Variants in HMGCLL1 observed in about 807,000 individuals in gnomAD.
HMGCLL1 encodes 3-hydroxymethyl-3-methylglutaryl-CoA lyase, cytoplasmic.
HMGCLL1 carries 36 observed loss-of-function variants against 39.1 expected under a neutral mutation model. The observed-to-expected ratio is 0.92, with a 90% confidence interval of 0.71 to 1.22. The LOEUF (loss-of-function observed/expected upper bound fraction) is 1.22, where lower values mean the gene tolerates loss of function less well. HMGCLL1 is among the 50% of genes most tolerant of loss of function. HMGCLL1 has a pLI of 0.00. For synonymous variants in HMGCLL1, 149 were observed against 144.0 expected (o/e 1.03, Z -0.25); for missense variants, 451 against 416.5 (o/e 1.08, Z -0.72).
At chr6:55,487,109 C>A (rs922024555) in intron 7 of HMGCLL1, among the ~76,000 whole-genome samples, 1 of 152,088 alleles carries the variant, frequency 6.6e-6, no homozygotes, top group South Asian at 2.1e-4. Context: ...AGATTCAGAC[C>A]ATAGCACCCC....
chr6:55,676,228 G>A, the HMGCLL1 span, among the ~76,000 whole-genome samples: 1 of 152,132 alleles, frequency 6.6e-6, no homozygotes, highest in African/African-American at 2.4e-5. Flanking sequence ...TATGCTTAAT[G>A]TACAAATATA....
chr6:55,538,273 T>C (rs912096859), intron 3 of HMGCLL1, among the ~76,000 whole-genome samples: 1 of 152,192 alleles, frequency 6.6e-6, no homozygotes, highest in Non-Finnish European at 1.5e-5. Context: ...GTACCTGAAA[T>C]ATAACTTTAG....
At chr6:55,655,536 G>GTAGATAGACAGATAGA in the HMGCLL1 span, among the ~76,000 whole-genome samples, 1 of 147,620 alleles carries the variant, frequency 6.8e-6, no homozygotes, top group African/African-American at 2.5e-5. Context: ...AGTTATATTG[G>GTAGATAGACAGATAGA]TAGATAGATA....
At chr6:55,473,064 C>T (rs181883315) in intron 7 of HMGCLL1, among the ~76,000 whole-genome samples, 1 of 151,414 alleles carries the variant, frequency 6.6e-6, no homozygotes. Context: ...GCTACCCCAG[C>T]TTTCATTTGA....
In HMGCLL1 at chr6:55,563,952, C is replaced by A. The variant is rs1403462932; in HGVS notation, c.108+14996G>T. The A allele has an allele frequency of 2.7e-6, 3 of 1,100,730 alleles. No homozygotes were observed. The South Asian group carries it at 3.9e-5, about 14-fold the overall frequency. 68.2% of individuals were successfully genotyped at this position (1,100,730 alleles called of 1,614,324 possible). Reference sequence around the variant, plus strand: ...GGAATGAGGAGCTGTTGAAACAGGGCATTGAAAACTTCTGGCTACCTCAAC... The same window carrying A: ...GGAATGAGGAGCTGTTGAAACAGGGAATTGAAAACTTCTGGCTACCTCAAC... On this transcript the variant is annotated intron_variant, in intron 1 of 8. Transcript: ENST00000274901.
At chr6:55,496,216 G>C (rs1766568370) in intron 6 of HMGCLL1, among the ~76,000 whole-genome samples, 1 of 151,778 alleles carries the variant, frequency 6.6e-6, no homozygotes, top group Admixed American at 6.6e-5. Flanking sequence ...GCATAGAAAT[G>C]TCAAAAAAGA....
At chr6:55,576,962 A>G in intron 1 of HMGCLL1, 2 of 1,347,762 alleles carry the variant, frequency 1.5e-6, no homozygotes, top group Non-Finnish European at 1.0e-6. Flanking sequence ...GAAATAGGGG[A>G]ATGTAAGTCT....
chr6:55,623,648 A>C, the HMGCLL1 span, among the ~76,000 whole-genome samples: 3 of 149,746 alleles, frequency 2.0e-5, no homozygotes, highest in African/African-American at 7.3e-5. Flanking sequence ...ACATATATAC[A>C]CAAATAATAT....
At chr6:55,468,510 G>C (rs1397051365) in intron 7 of HMGCLL1, among the ~76,000 whole-genome samples, 1 of 151,946 alleles carries the variant, frequency 6.6e-6, no homozygotes, top group Non-Finnish European at 1.5e-5. Context: ...GAATGATGGA[G>C]TGACTGTTCT....
At chr6:55,562,508 C>A (rs146235997) in intron 1 of HMGCLL1, among the ~76,000 whole-genome samples, 14 of 152,192 alleles carry the variant, frequency 9.2e-5, no homozygotes, top group Non-Finnish European at 1.9e-4. Flanking sequence ...TTGCCACCAC[C>A]AGTTGCCCTG....
the HMGCLL1 span, among the ~76,000 whole-genome samples, chr6:55,594,711 GGGA>G: frequency 6.6e-6 from 1 of 152,142 alleles, no homozygotes; most frequent in Non-Finnish European, 1.5e-5. Flanking sequence ...TAGTGGTGGT[GGGA>G]GAAGTCTGTC....
the HMGCLL1 span, among the ~76,000 whole-genome samples, chr6:55,649,996 G>C: frequency 6.9e-6 from 1 of 144,414 alleles, no homozygotes; most frequent in Non-Finnish European, 1.5e-5. Flanking sequence ...CCTTCTCTGT[G>C]TTACCTTGAA....
intron 7 of HMGCLL1, among the ~76,000 whole-genome samples, chr6:55,475,439 C>T (rs951859292): frequency 6.6e-6 from 1 of 151,546 alleles, no homozygotes; most frequent in Admixed American, 6.6e-5. Context: ...AAGAAGATCT[C>T]AAATCTGCAG....
chr6:55,591,664 T>C, the HMGCLL1 span, among the ~76,000 whole-genome samples: 1 of 149,452 alleles, frequency 6.7e-6, no homozygotes, highest in Admixed American at 6.8e-5. Context: ...TAATGAAGTT[T>C]TACTCTACCA....
chr6:55,615,944 C>G, the HMGCLL1 span, among the ~76,000 whole-genome samples: 1 of 152,062 alleles, frequency 6.6e-6, no homozygotes, highest in Non-Finnish European at 1.5e-5. Context: ...CCTGCCCTAT[C>G]CCCCACTTGA....
the HMGCLL1 span, among the ~76,000 whole-genome samples, chr6:55,634,180 C>G: frequency 3.8e-4 from 57 of 151,786 alleles, no homozygotes; most frequent in Non-Finnish European, 8.1e-4. Context: ...AAGTGTCAAC[C>G]AGCAGTGGAG....
At chr6:55,554,519 C>A (rs1288451810) in intron 1 of HMGCLL1, among the ~76,000 whole-genome samples, 5 of 151,970 alleles carry the variant, frequency 3.3e-5, no homozygotes, top group Admixed American at 1.3e-4. Flanking sequence ...TCTTGGGGTA[C>A]ATTAGTGATT....
At chr6:55,547,390 C>CAAGGGG (rs1455458982) in intron 1 of HMGCLL1, among the ~76,000 whole-genome samples, 1 of 151,924 alleles carries the variant, frequency 6.6e-6, no homozygotes, top group Non-Finnish European at 1.5e-5. Flanking sequence ...TCTATATATA[C>CAAGGGG]AATCAACCCT....
intron 7 of HMGCLL1, among the ~76,000 whole-genome samples, chr6:55,474,424 C>T (rs543615836): frequency 1.5e-4 from 22 of 151,652 alleles, no homozygotes; most frequent in East Asian, 3.9e-4. Flanking sequence ...AGTCTATCAA[C>T]AGCATTCTTC....
Sources: allele counts gnomAD v4.1 joint callset (sites outside exome capture counted in the v4.1 genomes callset), GRCh38; gene constraint gnomAD v4.1.1; transcripts MANE v1.5; gene names NCBI Gene and HGNC (gene_info 2026-07-23, HGNC 2026-07-21).